ROS1: variants seen among roughly 807,000 people sequenced by gnomAD.
The protein encoded by ROS1 is ROS proto-oncogene 1, receptor tyrosine kinase.
Under a neutral mutation model 273.5 loss-of-function variants are expected in ROS1, and 263 were observed. The observed-to-expected ratio is 0.96, with a 90% CI of 0.87 to 1.06. The LOEUF (loss-of-function observed/expected upper bound fraction) is 1.06, where lower values mean the gene tolerates loss of function less well. Among genes scored for constraint, ROS1 ranks in the 50% least tolerant of loss-of-function variants. The probability of loss-of-function intolerance (pLI) is 0.00; values close to 1 mark genes in which losing one functional copy is unlikely to be tolerated. For synonymous variants in ROS1, 1,008 were observed against 954.1 expected, an observed-to-expected ratio of 1.06 and a Z score of -1.04; for missense variants, 2,833 against 2,751.1, an observed-to-expected ratio of 1.03 and a Z score of -0.67.
rs1246016764 is a variant in ROS1, at chr6:117,342,384, C to A, written c.4651+16G>T. The A allele has an allele frequency of 6.2e-7, 1 of 1,609,490 alleles. No homozygotes were observed. Among genetic ancestry groups the A allele is most frequent in the Non-Finnish European group, 8.5e-7 (1 of 1,177,548 alleles). ...AATATTCTGCTTGAGAAACCCACAACAAGCCCATAACTTACCTCCATTTTT... is the reference window on the plus strand; with the variant it reads ...AATATTCTGCTTGAGAAACCCACAAAAAGCCCATAACTTACCTCCATTTTT... On this transcript the variant is annotated intron_variant, in intron 29 of 43. Coordinates refer to ENST00000368507, the MANE Select transcript of ROS1 (RefSeq NM_001378902.1).
chr6:117,341,780 T>C, intron 29 of ROS1, 148 bp from the exon 30 acceptor site: 1 of 650,500 alleles, frequency 1.5e-6, no homozygotes, highest in Non-Finnish European at 2.6e-6. Flanking sequence ...TCTTCTATAA[T>C]CGTAGGTTAA....
rs535778217 is a variant in ROS1, at chr6:117,366,207, C to A, written c.2666G>T (p.Arg889Leu). ...CCTAAAGCCATTGATCCAGAACAGC[C>A]GACCACTATAGTACATCAGTGCATT... ...SQNALMYYSG[R>L]LFWINGFRII... Residue 889 changes from arginine to leucine, a missense_variant, in exon 19 of 44, where the codon CGG (arginine) becomes CTG (leucine). Arg to Leu is a moderately radical substitution (Grantham distance 102, BLOSUM62 -2). Transcript: ENST00000368507. The A allele has an allele frequency of 6.2e-7, 1 of 1,613,886 alleles. No homozygotes were observed. Among genetic ancestry groups the A allele is most frequent in the Non-Finnish European group, 8.5e-7 (1 of 1,179,968 alleles).
rs1292196244 is a variant in ROS1, at chr6:117,350,793, C to T, written c.4303+2197G>A. Reference sequence around the variant, plus strand: ...ACATCCAGTCTACTATTAAGCCCATCAAACATTCCTCACATGTTACAGTGT... The same window carrying T: ...ACATCCAGTCTACTATTAAGCCCATTAAACATTCCTCACATGTTACAGTGT... On this transcript the variant is annotated intron_variant, in intron 27 of 43. Transcript: ENST00000368507. 4.0e-5 allele frequency among the ~76,000 whole-genome samples: 6 copies of T among 150,966 alleles called. No homozygotes were observed. The East Asian group carries it at 1.2e-3, about 30-fold the overall frequency.
At chr6:117,367,780 G>T (rs939490742) in intron 18 of ROS1, among the ~76,000 whole-genome samples, 3 of 152,148 alleles carry the variant, frequency 2.0e-5, no homozygotes, top group African/African-American at 7.2e-5. Context: ...TCTGGGTGAA[G>T]CTGATCTCAT....
At chr6:117,292,484 C>T (rs940691126) in intron 43 of ROS1, among the ~76,000 whole-genome samples, 9 of 152,170 alleles carry the variant, frequency 5.9e-5, no homozygotes, top group African/African-American at 2.2e-4. Context: ...CCCTTTCTGG[C>T]TGCTCCTCCC....
chr6:117,360,412 A>G lies in ROS1; in HGVS notation c.3367-7T>C, dbSNP rs1779705506. ...TAGATGTAAAGGCCCTAACCTAAAGAAAAGGAAACAAAAATTGCATTCAGT... is the reference window on the plus strand; with the variant it reads ...TAGATGTAAAGGCCCTAACCTAAAGGAAAGGAAACAAAAATTGCATTCAGT... On this transcript the variant is annotated splice_region_variant and splice_polypyrimidine_tract_variant and intron_variant, in intron 22 of 43. Transcript: ENST00000368507. 2 of 1,610,224 alleles carry G rather than the reference A, an allele frequency of 1.2e-6. No individual in the cohort carries two copies. The highest frequency in any genetic ancestry group is 1.3e-5 in the African/African-American group (1 of 74,878).
At chr6:117,298,391 A>G (rs923395113) in intron 43 of ROS1, among the ~76,000 whole-genome samples, 2 of 152,208 alleles carry the variant, frequency 1.3e-5, no homozygotes, top group African/African-American at 4.8e-5. Context: ...GTGCCAAGCA[A>G]GCAAAACCAT....
chr6:117,394,868 A>G, intron 9 of ROS1, 130 bp from the exon 10 acceptor site: 1 of 676,074 alleles, frequency 1.5e-6, no homozygotes, highest in East Asian at 2.7e-5. Context: ...AATTTTCTCT[A>G]ATGGCACTGG....
intron 18 of ROS1, among the ~76,000 whole-genome samples, chr6:117,370,823 T>G: frequency 6.6e-6 from 1 of 152,256 alleles, no homozygotes; most frequent in South Asian, 2.1e-4. Context: ...AATTATTTTA[T>G]TCACCCACAA....
rs758067234 is a variant in ROS1, at chr6:117,319,849, G to A, written c.5922+19C>T. On this transcript the variant is annotated intron_variant, in intron 37 of 43. Coordinates refer to ENST00000368507, the MANE Select transcript of ROS1 (RefSeq NM_001378902.1). ...ATATGGTGATATAATGTGTCAAGGA[G>A]TTCGAAGATTCACATTACCTTCACT... 8 of 1,607,488 alleles carry A rather than the reference G, an allele frequency of 5.0e-6. No homozygotes were observed. The highest frequency in any genetic ancestry group is 6.8e-6 in the Non-Finnish European group (8 of 1,174,596).
intron 39 of ROS1, among the ~76,000 whole-genome samples, chr6:117,314,753 G>A (rs1037697424): frequency 9.2e-5 from 14 of 152,212 alleles, no homozygotes; most frequent in African/African-American, 2.9e-4. Context: ...GAGGAGAAAC[G>A]AGCAATTTCC....
rs1776906185 is a variant in ROS1 at position 117,329,595 on chromosome 6, G to A, written c.5231-149C>T. 8 of 563,234 alleles carry A rather than the reference G, an allele frequency of 1.4e-5. 1 individual carries two copies. The East Asian group carries it at 1.8e-4, about 12-fold the overall frequency. The allele number at this position is 563,234 out of a possible 1,614,324, so 34.9% of individuals were successfully genotyped here. ...AAGATGGCCGACTAGAAGCAACTCC[G>A]TTCAGAGGTTCCTATTGAAAAAAAC... is the stretch of plus-strand genomic sequence containing the variant. On this transcript the variant is annotated intron_variant, in intron 32 of 43. Transcript: ENST00000368507.
chr6:117,288,699 T>A lies in ROS1; in HGVS notation c.6819A>T (p.Thr2273=), dbSNP rs2128521115. The A allele has an allele frequency of 1.9e-6, 3 of 1,614,208 alleles. No individual in the cohort carries two copies. Among genetic ancestry groups the A allele is most frequent in the Non-Finnish European group, 2.5e-6 (3 of 1,180,020 alleles). The change falls in exon 44 of 44, where the codon ACA becomes ACT. Residue 2273 remains threonine (T), a synonymous_variant. Transcript: ENST00000368507. ...REGLNYMVLA[T]ECGQGEEKSE... is the part of the protein sequence containing the mutation. ...ACTTTTCTTCACCTTGGCCACATTC[T>A]GTAGCAAGTACCATATAGTTTAACC... is the stretch of plus-strand genomic sequence containing the variant.
chr6:117,321,213 C>T (rs2128562981), intron 36 of ROS1, 46 bp downstream of exon 36: 1 of 1,596,288 alleles, frequency 6.3e-7, no homozygotes, highest in Non-Finnish European at 8.5e-7. Context: ...TTACTGTTGC[C>T]CACCCTTTGC....
At chr6:117,388,824 CA>C (rs940759434) in intron 13 of ROS1, among the ~76,000 whole-genome samples, 1 of 152,138 alleles carries the variant, frequency 6.6e-6, no homozygotes, top group African/African-American at 2.4e-5. Context: ...AAATATTCCC[CA>C]TTTCCAGGTG....
intron 36 of ROS1, among the ~76,000 whole-genome samples, chr6:117,320,541 G>A (rs748723082): frequency 4.6e-5 from 7 of 152,208 alleles, no homozygotes; most frequent in South Asian, 2.1e-4. Context: ...AATACTACAA[G>A]GGGGGAAAAT....
intron 43 of ROS1, among the ~76,000 whole-genome samples, chr6:117,293,486 T>G (rs1773988397): frequency 6.6e-6 from 1 of 152,192 alleles, no homozygotes; most frequent in African/African-American, 2.4e-5. Flanking sequence ...ATAACCAAAT[T>G]GTTAGCTCTG....
chr6:117,371,444 C>G (rs1780761745), intron 18 of ROS1, among the ~76,000 whole-genome samples: 1 of 152,120 alleles, frequency 6.6e-6, no homozygotes, highest in African/African-American at 2.4e-5. Context: ...CCCAGGGAAA[C>G]CATTCCTGAC....
intron 43 of ROS1, among the ~76,000 whole-genome samples, chr6:117,290,677 A>C (rs1331766721): frequency 1.3e-5 from 2 of 152,204 alleles, no homozygotes; most frequent in Non-Finnish European, 1.5e-5. Flanking sequence ...TGATGTTTAC[A>C]CAAATGTTTG....
Sources: allele counts gnomAD v4.1 joint callset (sites outside exome capture counted in the v4.1 genomes callset), GRCh38; gene constraint gnomAD v4.1.1; transcripts MANE v1.5; gene names NCBI Gene and HGNC (gene_info 2026-07-23, HGNC 2026-07-21).